UGT2A2: variants seen among roughly 807,000 people sequenced by gnomAD.
UGT2A2 encodes UDP glucuronosyltransferase family 2 member A2.
A neutral mutation model predicts 50.7 loss-of-function variants in UGT2A2; 60 were observed. The ratio of observed to expected loss-of-function variants is 1.18; its 90% CI spans 0.96 to 1.47. The LOEUF is 1.47. UGT2A2 is among the 40% of genes most tolerant of loss of function. The pLI is 0.00. For synonymous variants in UGT2A2, 242 were observed against 214.6 expected, an observed-to-expected ratio of 1.13 and a Z score of -1.11; for missense variants, 762 against 634.0, an observed-to-expected ratio of 1.20 and a Z score of -2.17.
intron 2 of UGT2A2, among the ~76,000 whole-genome samples, 183 bp from the exon 3 acceptor site, chr4:69,596,564 C>T (rs562266070): frequency 6.0e-4 from 92 of 152,212 alleles, no homozygotes; most frequent in Middle Eastern, 6.8e-3. Flanking sequence ...GCTCTGTCGC[C>T]CAGGCTGGAG....
In UGT2A2 at chr4:69,638,964, G is replaced by T; in HGVS notation, c.677C>A (p.Ser226Tyr). ...GGACTGAAATATATAGTCTTGCAGA[G>T]AATAAGATATGGTATTTTTAATCCT... ...GERIKNTISY[S>Y]LQDYIFQSYW... The change falls in exon 1 of 6, where the codon TCT becomes TAT. Residue 226 changes from serine to tyrosine, a missense_variant. Transcript: ENST00000604629. 6.2e-7 allele frequency: 1 copy of T among 1,612,958 alleles called. No homozygotes were observed. The highest frequency in any genetic ancestry group is 8.5e-7 in the Non-Finnish European group (1 of 1,179,440).
intron 5 of UGT2A2, among the ~76,000 whole-genome samples, chr4:69,593,976 T>TG (rs1553902923): frequency 8.2e-6 from 1 of 122,068 alleles, no homozygotes; most frequent in African/African-American, 3.1e-5. Flanking sequence ...TCTTTTTTTT[T>TG]GTTTGTTTTT....
chr4:69,631,221 T>A (rs1009748896), intron 1 of UGT2A2, among the ~76,000 whole-genome samples: 8 of 152,146 alleles, frequency 5.3e-5, no homozygotes, highest in African/African-American at 1.7e-4. Context: ...TATACTGTTT[T>A]AGTGAAATTA....
intron 1 of UGT2A2, among the ~76,000 whole-genome samples, chr4:69,624,010 G>T (rs545777006): frequency 1.1e-3 from 164 of 151,570 alleles, no homozygotes; most frequent in African/African-American, 3.9e-3. Context: ...ATTTTTCCAT[G>T]AAAAATATGA....
At chr4:69,636,244 ATGT>A (rs1721704783) in intron 1 of UGT2A2, among the ~76,000 whole-genome samples, 1 of 152,180 alleles carries the variant, frequency 6.6e-6, no homozygotes, top group African/African-American at 2.4e-5. Flanking sequence ...AAAATTTGAC[ATGT>A]TGTTAGCTCT....
At chr4:69,623,241 A>G (rs139583339) in intron 1 of UGT2A2, among the ~76,000 whole-genome samples, 1 of 151,934 alleles carries the variant, frequency 6.6e-6, no homozygotes, top group African/African-American at 2.4e-5. Context: ...GCCAAGTGAT[A>G]CCACTACCCC....
chr4:69,596,324 C>T lies in UGT2A2; in HGVS notation c.949G>A (p.Gly317Arg), dbSNP rs4148301. Reference sequence around the variant, plus strand: ...TCTGTAAGGTTTTTGACCATTGATCCCAGAGAAAACACCACAACACCATTT... The same window carrying T: ...TCTGTAAGGTTTTTGACCATTGATCTCAGAGAAAACACCACAACACCATTT... Reference protein sequence around the residue: ...GKNGVVVFSLGSMVKNLTEEK... With the variant: ...GKNGVVVFSLRSMVKNLTEEK... Residue 317 changes from glycine (G) to arginine (R), a missense_variant, in exon 3 of 6, where the codon GGA becomes AGA. Transcript: ENST00000604629. 0.085 allele frequency: 136,077 copies of T among 1,606,364 alleles called. 6,205 individuals carry two copies. Among genetic ancestry groups the T allele is most frequent in the Middle Eastern group, 0.14 (871 of 6,018 alleles).
chr4:69,627,416 C>T (rs1465936519), intron 1 of UGT2A2, among the ~76,000 whole-genome samples: 1 of 150,138 alleles, frequency 6.7e-6, no homozygotes, highest in Non-Finnish European at 1.5e-5. Flanking sequence ...TAGATTATAA[C>T]AAAATTCCAA....
At chr4:69,614,581 G>T (rs1001169304) in intron 1 of UGT2A2, among the ~76,000 whole-genome samples, 5 of 151,952 alleles carry the variant, frequency 3.3e-5, no homozygotes, top group African/African-American at 1.2e-4. Flanking sequence ...ATACTTCAAA[G>T]CTAGTAGCCA....
chr4:69,609,041 T>G (rs893009293), intron 1 of UGT2A2, among the ~76,000 whole-genome samples: 4 of 152,098 alleles, frequency 2.6e-5, no homozygotes, highest in Non-Finnish European at 4.4e-5. Context: ...TCCATTAAAT[T>G]TAAAATCTAC....
chr4:69,594,552 G>A lies in UGT2A2; in HGVS notation c.1256C>T (p.Ala419Val), dbSNP rs1718797170. ...NIAHMKAKGA[A>V]VEVNLNTMTS... ...CATTGTGTTTAGGTTCACTTCCACA[G>A]CTGCTCCTTTGGCCTTCATGTGAGC... The change falls in exon 5 of 6, where the codon GCT becomes GTT. Residue 419 changes from alanine (A) to valine (V), a missense_variant. By Grantham distance (64) the Ala-to-Val change is moderately conservative (BLOSUM62 0). Transcript: ENST00000604629. 2 of 1,614,026 alleles carry A rather than the reference G, an allele frequency of 1.2e-6. No homozygotes were observed. Among genetic ancestry groups the A allele is most frequent in the Non-Finnish European group, 8.5e-7 (1 of 1,180,052 alleles).
intron 1 of UGT2A2, among the ~76,000 whole-genome samples, chr4:69,633,971 C>T (rs1721528113): frequency 6.6e-6 from 1 of 152,214 alleles, no homozygotes; most frequent in African/African-American, 2.4e-5. Flanking sequence ...CCCGGCCGCG[C>T]GCGGTGGCTC....
intron 1 of UGT2A2, among the ~76,000 whole-genome samples, chr4:69,607,963 C>G (rs1369382522): frequency 2.0e-5 from 3 of 152,148 alleles, no homozygotes; most frequent in Non-Finnish European, 4.4e-5. Flanking sequence ...CACTTTTACA[C>G]TGTTGGTGGG....
intron 4 of UGT2A2, among the ~76,000 whole-genome samples, chr4:69,594,918 T>C (rs1450319934): frequency 6.6e-6 from 1 of 152,072 alleles, no homozygotes; most frequent in Non-Finnish European, 1.5e-5. Flanking sequence ...ACTGAGGAGA[T>C]GATATCTGAA....
intron 1 of UGT2A2, among the ~76,000 whole-genome samples, chr4:69,624,142 A>G (rs1203906867): frequency 6.6e-6 from 1 of 151,570 alleles, no homozygotes; most frequent in East Asian, 1.9e-4. Flanking sequence ...TCATCAATTT[A>G]CTTTCTTTAC....
rs1210889328 is a variant in UGT2A2, at chr4:69,602,123, A to G, written c.743-2729T>C. ...AAGATATGAAAAAGTTGGACTCATT[A>G]TAGTAATGAAATGATAGCTTAAAAC... On this transcript the variant is annotated intron_variant, in intron 1 of 5. Transcript: ENST00000604629. Among the ~76,000 whole-genome samples, 2 of 137,004 alleles carry G rather than the reference A, an allele frequency of 1.5e-5. 1 individual carries two copies. Among genetic ancestry groups the G allele is most frequent in the South Asian group, 4.8e-4 (2 of 4,190 alleles). 89.9% of individuals were successfully genotyped at this position (137,004 alleles called of 152,430 possible).
Position 69,590,068 on chromosome 4 carries a change from C to A in UGT2A2, c.1332-417G>T, listed in dbSNP as rs185645476. Among the ~76,000 whole-genome samples, 4 of 152,166 alleles carry A rather than the reference C, an allele frequency of 2.6e-5. No homozygotes were observed. In the East Asian group the frequency reaches 7.7e-4, roughly 29 times the overall value. On this transcript the variant is annotated intron_variant, in intron 5 of 5. Transcript: ENST00000604629. The stretch of plus-strand genomic sequence containing the variant: ...GTGTCTGGCTAGTTCATATGACAGA[C>A]AAAGGAAATTGGCAGTCAGCATTAG...
intron 5 of UGT2A2, 146 bp downstream of exon 5, chr4:69,594,331 G>A: frequency 8.8e-7 from 1 of 1,135,350 alleles, no homozygotes; most frequent in Non-Finnish European, 1.2e-6. Context: ...CACTTTAGCA[G>A]TTTGGCAAAT....
intron 1 of UGT2A2, among the ~76,000 whole-genome samples, chr4:69,619,266 T>C (rs1285174993): frequency 6.6e-6 from 1 of 151,652 alleles, no homozygotes; most frequent in Non-Finnish European, 1.5e-5. Context: ...CCAAGTGTGG[T>C]GGTGCATGCG....
Sources: gnomAD v4.1 joint callset for allele counts (sites outside exome capture counted in the v4.1 genomes callset) on GRCh38, gnomAD v4.1.1 for gene constraint, MANE v1.5 for transcripts, NCBI Gene and HGNC (gene_info 2026-07-23, HGNC 2026-07-21) for gene names.